Variants in MCM9 observed in about 807,000 individuals in gnomAD.
MCM9 encodes the protein DNA helicase MCM9.
In MCM9, 55 loss-of-function variants were observed where a neutral mutation model predicts 72.8. The ratio of observed to expected loss-of-function variants is 0.76; its 90% CI spans 0.61 to 0.95. MCM9 has a LOEUF of 0.95. MCM9 is among the 40% of genes least tolerant of loss of function. MCM9 has a pLI of 0.00. For synonymous variants in MCM9, 480 were observed against 503.4 expected (o/e 0.95, Z 0.62); for missense variants, 1,279 against 1,377.0 (o/e 0.93, Z 1.13).
chr6:118,933,681 G>A (rs80005188), intron 1 of MCM9, among the ~76,000 whole-genome samples: 1 of 152,044 alleles, frequency 6.6e-6, no homozygotes, highest in South Asian at 2.1e-4. Context: ...TCCTAAGTAC[G>A]TGTTATACAC....
chr6:118,816,493 T>C (rs11961865), intron 13 of MCM9, among the ~76,000 whole-genome samples, 199 bp from the exon 14 acceptor site: 58 of 152,300 alleles, frequency 3.8e-4, no homozygotes, highest in African/African-American at 1.3e-3. Flanking sequence ...CATACTCAGA[T>C]AAACACTAAT....
intron 8 of MCM9, among the ~76,000 whole-genome samples, chr6:118,860,787 A>C (rs573295315): frequency 6.6e-6 from 1 of 152,274 alleles, no homozygotes; most frequent in East Asian, 1.9e-4. Flanking sequence ...TCGTGGAGAA[A>C]ATTTTTCCAC....
chr6:118,868,080 T>A (rs1214222171), intron 8 of MCM9, among the ~76,000 whole-genome samples: 1 of 152,032 alleles, frequency 6.6e-6, no homozygotes, highest in Admixed American at 6.6e-5. Flanking sequence ...TTTCACCATG[T>A]TGGCCAGGCT....
At chr6:118,887,559 G>A (rs1387354484) in intron 8 of MCM9, among the ~76,000 whole-genome samples, 1 of 151,986 alleles carries the variant, frequency 6.6e-6, no homozygotes, top group Non-Finnish European at 1.5e-5. Context: ...TCATGACGCT[G>A]GATTAGGCAA....
chr6:118,869,881 G>T (rs979623820), intron 8 of MCM9, among the ~76,000 whole-genome samples: 1 of 151,878 alleles, frequency 6.6e-6, no homozygotes, highest in Non-Finnish European at 1.5e-5. Context: ...AGACTTTAAG[G>T]AAAAAAACTG....
chr6:118,839,452 C>A (rs144520549), intron 9 of MCM9, among the ~76,000 whole-genome samples: 1,563 of 152,148 alleles, frequency 0.01, 28 homozygotes, highest in African/African-American at 0.036. Context: ...ATTCTCCATC[C>A]AGTTTTGTTC....
chr6:118,843,647 T>TAC (rs1775574439), intron 9 of MCM9, among the ~76,000 whole-genome samples: 1 of 69,052 alleles, frequency 1.4e-5, no homozygotes, highest in African/African-American at 6.1e-5. Context: ...AAAACATATA[T>TAC]ATATATATGT....
In MCM9 at chr6:118,825,247, G is replaced by C. The variant is rs78141375; in HGVS notation, c.1961+900C>G. Among the ~76,000 whole-genome samples the C allele has an allele frequency of 8.2e-3, 1,247 of 152,254 alleles. 17 individuals are homozygous for C. The highest frequency in any genetic ancestry group is 0.028 in the African/African-American group (1,158 of 41,538). On this transcript the variant is annotated intron_variant, in intron 13 of 13. Coordinates refer to ENST00000619706, the MANE Select transcript of MCM9 (RefSeq NM_017696.3). Reference sequence around the variant, plus strand: ...ATGTTCTGGATCATAAAATGAGCCAGGAGACCAAAAGAAAGAGGGGCGAAT... The same window carrying C: ...ATGTTCTGGATCATAAAATGAGCCACGAGACCAAAAGAAAGAGGGGCGAAT...
At chr6:118,848,874 A>G (rs1186990835) in intron 9 of MCM9, among the ~76,000 whole-genome samples, 2 of 152,090 alleles carry the variant, frequency 1.3e-5, no homozygotes, top group Non-Finnish European at 2.9e-5. Flanking sequence ...GTGAGCTGAG[A>G]TTGTGCCACT....
intron 11 of MCM9, among the ~76,000 whole-genome samples, chr6:118,827,568 T>C (rs1344269830): frequency 2.0e-5 from 3 of 152,146 alleles, no homozygotes; most frequent in Non-Finnish European, 4.4e-5. Flanking sequence ...GAACTAGTGA[T>C]GCTATATGGG....
rs183878449 is a variant in MCM9 at position 118,857,783 on chromosome 6, T to G, written c.1151-1238A>C. Among the ~76,000 whole-genome samples the G allele has an allele frequency of 4.7e-3, 714 of 152,180 alleles. 1 individual carries two copies. Among genetic ancestry groups the G allele is most frequent in the Non-Finnish European group, 5.0e-3 (340 of 67,964 alleles). ...TGATAACTTAACAAAATAGTCAAAT[T>G]TTTTTGAAATATGCAAAGTTTATCT... On this transcript the variant is annotated intron_variant, in intron 8 of 13. Transcript: ENST00000619706.
chr6:118,821,021 G>C (rs933550833), intron 13 of MCM9, among the ~76,000 whole-genome samples: 5 of 151,862 alleles, frequency 3.3e-5, no homozygotes, highest in African/African-American at 1.2e-4. Context: ...GTGTGTATTT[G>C]CTCGTGAGAT....
chr6:118,826,454 T>TC (rs1421330426), intron 12 of MCM9, among the ~76,000 whole-genome samples, 162 bp from the exon 13 acceptor site: 1 of 151,760 alleles, frequency 6.6e-6, no homozygotes, highest in African/African-American at 2.4e-5. Flanking sequence ...TATAGTTCAC[T>TC]CCCCCAGTTC....
chr6:118,846,953 A>C (rs1049236198), intron 9 of MCM9, among the ~76,000 whole-genome samples: 1 of 151,810 alleles, frequency 6.6e-6, no homozygotes, highest in Non-Finnish European at 1.5e-5. Flanking sequence ...CCCTGCCCCA[A>C]AAAAACCCCA....
At chr6:118,863,274 T>A (rs1777013705) in intron 8 of MCM9, among the ~76,000 whole-genome samples, 1 of 152,196 alleles carries the variant, frequency 6.6e-6, no homozygotes, top group South Asian at 2.1e-4. Flanking sequence ...CATTACGAGG[T>A]ACTTACACTA....
intron 9 of MCM9, among the ~76,000 whole-genome samples, chr6:118,853,767 C>G (rs776688307): frequency 6.6e-6 from 1 of 152,180 alleles, no homozygotes; most frequent in Non-Finnish European, 1.5e-5. Context: ...CCTCTGTACT[C>G]TAACTTGGGC....
intron 8 of MCM9, among the ~76,000 whole-genome samples, chr6:118,905,189 G>A (rs1780090937): frequency 1.3e-5 from 2 of 152,184 alleles, no homozygotes; most frequent in African/African-American, 4.8e-5. Flanking sequence ...GGGTGGTTGA[G>A]TGGGTATGAG....
chr6:118,822,548 C>G (rs1255658334), intron 13 of MCM9, among the ~76,000 whole-genome samples: 4 of 152,202 alleles, frequency 2.6e-5, no homozygotes, highest in Non-Finnish European at 5.9e-5. Context: ...CATGAAGTGT[C>G]TGCTGAACCC....
Position 118,913,305 on chromosome 6 carries a change from T to G in MCM9, c.1020A>C (p.Thr340=). Residue 340 remains threonine, a synonymous_variant, in exon 7 of 14, where the codon ACA becomes ACC. Transcript: ENST00000619706. ...GGIQRTDATG[T]RVRGESHLLL... ...TAAATAGGTACTAACCTCTGACCCG[T>G]GTTCCTGTAGCATCAGTCCTTTGAA... 6.2e-7 allele frequency: 1 copy of G among 1,614,120 alleles called. No homozygotes were observed.
Sources: allele counts gnomAD v4.1 joint callset (sites outside exome capture counted in the v4.1 genomes callset), GRCh38; gene constraint gnomAD v4.1.1; transcripts MANE v1.5; gene names NCBI Gene and HGNC (gene_info 2026-07-23, HGNC 2026-07-21).